The following KCNH7 variants were observed in gnomAD, a reference collection of about 807,000 sequenced individuals.
KCNH7 encodes the protein voltage-gated inwardly rectifying potassium channel KCNH7.
Under a neutral mutation model 120.8 loss-of-function variants are expected in KCNH7, and 49 were observed. The ratio of observed to expected loss-of-function variants is 0.41; its 90% confidence interval spans 0.32 to 0.51. The LOEUF (loss-of-function observed/expected upper bound fraction) is 0.51. Among genes scored for constraint, KCNH7 ranks in the 20% least tolerant of loss-of-function variants. The pLI is 0.38. For missense variants in KCNH7, 1,097 were observed against 1,446.6 expected (o/e 0.76, Z 3.92); for synonymous variants, 547 against 516.1 (o/e 1.06, Z -0.81).
At chr2:162,568,203 A>G (rs779397204) in intron 2 of KCNH7, among the ~76,000 whole-genome samples, 2 of 151,984 alleles carry the variant, frequency 1.3e-5, no homozygotes, top group Non-Finnish European at 1.5e-5. Flanking sequence ...CGAGAACAAC[A>G]TGGGGGGAAC....
Position 162,446,127 on chromosome 2 carries a change from A to G in KCNH7, c.1445T>C (p.Val482Ala). Residue 482 changes from valine (V) to alanine (A), a missense_variant, in exon 7 of 16, where the codon GTA becomes GCA. This residue lies in a region of KCNH7 where 109 missense variants were observed against 196.8 expected (regional missense o/e 0.55). Coordinates refer to ENST00000332142, the MANE Select transcript of KCNH7 (RefSeq NM_033272.4). ...TATTGCTATTTTGGCGGGATCACTTACCACTTCTTCATTCTGATTTACATA... is the reference window on the plus strand; with the variant it reads ...TATTGCTATTTTGGCGGGATCACTTGCCACTTCTTCATTCTGATTTACATA... The part of the protein sequence containing the change: ...TTYVNQNEEV[V>A]SDPAKIAIHY... 1 of 1,613,824 alleles carries G rather than the reference A, an allele frequency of 6.2e-7. No individual in the cohort carries two copies. Among genetic ancestry groups the G allele is most frequent in the Non-Finnish European group, 8.5e-7 (1 of 1,179,776 alleles).
intron 6 of KCNH7, among the ~76,000 whole-genome samples, chr2:162,454,623 T>A (rs1189496352): frequency 1.3e-5 from 2 of 152,168 alleles, no homozygotes; most frequent in Admixed American, 6.5e-5. Flanking sequence ...CCTCTCTTAT[T>A]TTCTTGAGCA....
intron 2 of KCNH7, among the ~76,000 whole-genome samples, chr2:162,738,878 T>G (rs981316933): frequency 9.2e-5 from 14 of 152,206 alleles, no homozygotes; most frequent in African/African-American, 3.4e-4. Flanking sequence ...TGCTAAACTC[T>G]GTTGCAGTTT....
At chr2:162,673,593 C>A (rs1024314449) in intron 2 of KCNH7, among the ~76,000 whole-genome samples, 5 of 152,050 alleles carry the variant, frequency 3.3e-5, no homozygotes, top group African/African-American at 1.2e-4. Flanking sequence ...CTTTTGCTTT[C>A]TGCCATGGGA....
At chr2:162,423,950 T>C (rs1573940508) in intron 8 of KCNH7, among the ~76,000 whole-genome samples, 1 of 152,116 alleles carries the variant, frequency 6.6e-6, no homozygotes, top group African/African-American at 2.4e-5. Context: ...TGAATTGGAG[T>C]TAACACATTA....
intron 2 of KCNH7, among the ~76,000 whole-genome samples, chr2:162,657,419 C>T (rs1228317354): frequency 1.3e-5 from 2 of 152,096 alleles, no homozygotes; most frequent in Non-Finnish European, 2.9e-5. Flanking sequence ...AGTATGTAAC[C>T]TTTTCAAATA....
chr2:162,807,355 T>C (rs2105558456), intron 2 of KCNH7, among the ~76,000 whole-genome samples: 1 of 151,178 alleles, frequency 6.6e-6, no homozygotes, highest in South Asian at 2.1e-4. Flanking sequence ...GAGAATCACT[T>C]GAACTCAGGA....
At chr2:162,768,534 T>A (rs1317357430) in intron 2 of KCNH7, among the ~76,000 whole-genome samples, 1 of 152,104 alleles carries the variant, frequency 6.6e-6, no homozygotes, top group South Asian at 2.1e-4. Flanking sequence ...AACATGGATA[T>A]AGGATAGAGA....
intron 2 of KCNH7, among the ~76,000 whole-genome samples, chr2:162,726,708 T>C (rs12617455): frequency 0.021 from 3,239 of 152,290 alleles, 72 homozygotes; most frequent in East Asian, 0.11. Context: ...CCGTGAGACA[T>C]GGCACCCAGC....
At chr2:162,589,525 T>G (rs983836094) in intron 2 of KCNH7, among the ~76,000 whole-genome samples, 2 of 152,094 alleles carry the variant, frequency 1.3e-5, no homozygotes, top group Admixed American at 6.6e-5. Flanking sequence ...TTTTTAACAC[T>G]GAGGTTTTCA....
At chr2:162,534,417 G>GA (rs1692035924) in intron 3 of KCNH7, among the ~76,000 whole-genome samples, 1 of 151,068 alleles carries the variant, frequency 6.6e-6, no homozygotes, top group South Asian at 2.1e-4. Context: ...GAAATTTCAA[G>GA]AAAAAACTAT....
chr2:162,547,943 G>T (rs1692536392), intron 2 of KCNH7, among the ~76,000 whole-genome samples: 1 of 152,130 alleles, frequency 6.6e-6, no homozygotes, highest in Admixed American at 6.5e-5. Context: ...GTAAAGATTA[G>T]GCTCTTTAGG....
chr2:162,416,432 C>A (rs537447925), intron 9 of KCNH7, among the ~76,000 whole-genome samples: 2 of 151,596 alleles, frequency 1.3e-5, no homozygotes, highest in African/African-American at 4.8e-5. Flanking sequence ...CATAGTTAGG[C>A]TCTGGGCTAA....
In KCNH7 at chr2:162,799,965, C is replaced by CAT. The variant is rs1176140170; in HGVS notation, c.307+36571_307+36572insAT. 9.7e-5 allele frequency among the ~76,000 whole-genome samples: 14 copies of CAT among 143,806 alleles called. No individual in the cohort carries two copies. The East Asian group carries it at 2.6e-3, about 26-fold the overall frequency. 94.3% of individuals were successfully genotyped at this position (143,806 alleles called of 152,430 possible). A position where few individuals can be genotyped will look rare whatever the true frequency, so the allele number is the denominator to read the frequency against. On this transcript the variant is annotated intron_variant, in intron 2 of 15. Coordinates refer to ENST00000332142, the MANE Select transcript of KCNH7 (RefSeq NM_033272.4). Reference sequence around the variant, plus strand: ...TTACACACATACACACACACACACACACACACACAGAGCTACTCAGAATTG... The same window carrying CAT: ...TTACACACATACACACACACACACACATACACACACAGAGCTACTCAGAATTG...
intron 2 of KCNH7, among the ~76,000 whole-genome samples, chr2:162,821,381 G>A (rs1685116221): frequency 6.6e-6 from 1 of 152,170 alleles, no homozygotes. Context: ...GTCAGAAGGT[G>A]CCATTTATTC....
At chr2:162,396,213 G>T (rs1006066113) in intron 11 of KCNH7, among the ~76,000 whole-genome samples, 4 of 151,656 alleles carry the variant, frequency 2.6e-5, no homozygotes, top group African/African-American at 9.7e-5. Flanking sequence ...TATTCATTCT[G>T]CACCATTAAA....
At chr2:162,623,489 C>A (rs931767532) in intron 2 of KCNH7, among the ~76,000 whole-genome samples, 6 of 152,032 alleles carry the variant, frequency 3.9e-5, no homozygotes, top group African/African-American at 1.4e-4. Context: ...GACTGTAGAA[C>A]TGCTTTTTAT....
intron 2 of KCNH7, among the ~76,000 whole-genome samples, chr2:162,558,911 C>T (rs978521269): frequency 6.6e-5 from 10 of 151,242 alleles, no homozygotes; most frequent in Middle Eastern, 3.2e-3. Flanking sequence ...AAAAATTAGC[C>T]GGGCGTTGTG....
intron 2 of KCNH7, among the ~76,000 whole-genome samples, chr2:162,567,794 G>C (rs1307128146): frequency 6.6e-6 from 1 of 151,884 alleles, no homozygotes; most frequent in Admixed American, 6.6e-5. Flanking sequence ...AGACCTTAAA[G>C]GTGTTAAATA....
Sources: allele counts gnomAD v4.1 joint callset (sites outside exome capture counted in the v4.1 genomes callset), GRCh38; gene constraint gnomAD v4.1.1; regional missense constraint gnomAD v4.1.1; transcripts MANE v1.5; gene names NCBI Gene and HGNC (gene_info 2026-07-23, HGNC 2026-07-21).